The following TSHZ2 variants were observed in gnomAD, a reference collection of about 807,000 sequenced individuals.
TSHZ2 encodes teashirt homolog 2.
Under a neutral mutation model 74.4 loss-of-function variants are expected in TSHZ2, and 21 were observed. The ratio of observed to expected loss-of-function variants is 0.28; its 90% confidence interval spans 0.20 to 0.41. The LOEUF (loss-of-function observed/expected upper bound fraction) is 0.41. Ranked by LOEUF, TSHZ2 falls within the 10% of genes least tolerant of loss-of-function variation. The pLI is 1.00. For missense variants in TSHZ2, 1,244 were observed against 1,293.5 expected (o/e 0.96, Z 0.59); for synonymous variants, 540 against 515.3 (o/e 1.05, Z -0.65).
chr20:53,389,869 C>A (rs778050291), intron 2 of TSHZ2, among the ~76,000 whole-genome samples: 1 of 152,136 alleles, frequency 6.6e-6, no homozygotes, highest in Non-Finnish European at 1.5e-5. Flanking sequence ...AAGAATTGTC[C>A]GGCCTGAAAT....
intron 1 of TSHZ2, among the ~76,000 whole-genome samples, chr20:53,193,188 GA>G (rs11476414): frequency 0.78 from 113,407 of 144,828 alleles, 44,764 homozygotes; most frequent in Non-Finnish European, 0.81. Flanking sequence ...AAAGAAAAAA[GA>G]AAAAAAAAAC....
At chr20:53,024,494 C>A (rs1282929037) in intron 1 of TSHZ2, among the ~76,000 whole-genome samples, 1 of 151,756 alleles carries the variant, frequency 6.6e-6, no homozygotes, top group Non-Finnish European at 1.5e-5. Flanking sequence ...CTTGCTCTTG[C>A]AGATTTTTTT....
At chr20:53,240,839 A>G (rs1356298686) in intron 1 of TSHZ2, among the ~76,000 whole-genome samples, 2 of 152,104 alleles carry the variant, frequency 1.3e-5, no homozygotes, top group Non-Finnish European at 2.9e-5. Context: ...CTAACATCAG[A>G]ATAATTAAAA....
At chr20:53,001,205 C>CGTGTGTGTGTGTGTGTGTGTGTGT (rs558621179) in intron 1 of TSHZ2, among the ~76,000 whole-genome samples, 3 of 94,188 alleles carry the variant, frequency 3.2e-5, no homozygotes, top group African/African-American at 7.9e-5. Flanking sequence ...CGTTCATGTG[C>CGTGTGTGTGTGTGTGTGTGTGTGT]GTGTGTGTGT....
At chr20:53,348,626 T>G (rs1260107398) in intron 2 of TSHZ2, among the ~76,000 whole-genome samples, 2 of 152,080 alleles carry the variant, frequency 1.3e-5, no homozygotes, top group Admixed American at 1.3e-4. Context: ...GGAGGATCGC[T>G]GTATGTGAAA....
chr20:53,348,838 C>T (rs910591620), intron 2 of TSHZ2, among the ~76,000 whole-genome samples: 5 of 152,172 alleles, frequency 3.3e-5, no homozygotes, highest in Non-Finnish European at 5.9e-5. Flanking sequence ...GAGGATGAAA[C>T]ATTTATTCCA....
chr20:53,011,053 C>T (rs1403036876), intron 1 of TSHZ2, among the ~76,000 whole-genome samples: 1 of 152,100 alleles, frequency 6.6e-6, no homozygotes, highest in Admixed American at 6.6e-5. Flanking sequence ...AAGTGAATAT[C>T]ATATTTGATA....
At position 53,074,017 on chromosome 20, in the gene TSHZ2, G is replaced by T. The variant is rs1175476935; in HGVS notation, c.40+100684G>T. On this transcript the variant is annotated intron_variant, in intron 1 of 2. Transcript: ENST00000371497. This position sits in a 1 kb window ranked among gnomAD's most constrained non-coding sequence, Gnocchi z 5.9. ...ACACTTTCTAATTTCAAATTTCAAG[G>T]ATCTTCAGTCTGGCTGCAGTGAAAA... Among the ~76,000 whole-genome samples, 1 of 152,142 alleles carries T rather than the reference G, an allele frequency of 6.6e-6. No homozygotes were observed. Among genetic ancestry groups the T allele is most frequent in the Non-Finnish European group, 1.5e-5 (1 of 68,026 alleles).
chr20:53,044,078 T>G (rs907775216), intron 1 of TSHZ2, among the ~76,000 whole-genome samples: 1 of 152,228 alleles, frequency 6.6e-6, no homozygotes. Context: ...ACATTTCAGT[T>G]TGGAGATACA....
At chr20:53,304,031 T>G (rs1978415162) in intron 2 of TSHZ2, among the ~76,000 whole-genome samples, 1 of 150,824 alleles carries the variant, frequency 6.6e-6, no homozygotes, top group Non-Finnish European at 1.5e-5. Flanking sequence ...AAACAACAGA[T>G]TCTTTATTAT....
intron 1 of TSHZ2, among the ~76,000 whole-genome samples, chr20:53,093,397 G>A (rs1394462494): frequency 6.6e-6 from 1 of 152,186 alleles, no homozygotes; most frequent in African/African-American, 2.4e-5. Context: ...TGTCTTTTCT[G>A]CTTAAAGCCT....
At chr20:53,397,931 G>C (rs1982515189) in intron 2 of TSHZ2, 1 of 152,056 alleles carries the variant, frequency 6.6e-6, no homozygotes, top group Non-Finnish European at 1.5e-5. Context: ...ATTGCACAAT[G>C]AGAACACTTA....
In TSHZ2 at chr20:53,021,447, G is replaced by A. The variant is rs140993482; in HGVS notation, c.40+48114G>A. Among the ~76,000 whole-genome samples, 443 of 152,264 alleles carry A rather than the reference G, an allele frequency of 2.9e-3. 5 individuals carry two copies. The East Asian group carries it at 0.031, about 11-fold the overall frequency. On this transcript the variant is annotated intron_variant, in intron 1 of 2. Coordinates refer to ENST00000371497, the MANE Select transcript of TSHZ2 (RefSeq NM_173485.6). ...TGGTTTAAATGGAAGTTGGAACTCC[G>A]CTGATGCTGAATCAAATTGGGTTTG...
In TSHZ2 at chr20:53,343,854, T is replaced by C. The variant is rs1353671473; in HGVS notation, c.*8+87283T>C. Among the ~76,000 whole-genome samples, 3 of 152,204 alleles carry C rather than the reference T, an allele frequency of 2.0e-5. No individual in the cohort carries two copies. The East Asian group carries it at 5.8e-4, about 29-fold the overall frequency. On this transcript the variant is annotated intron_variant, in intron 2 of 2. Coordinates refer to ENST00000371497, the MANE Select transcript of TSHZ2 (RefSeq NM_173485.6). ...TAAAAATTAAATGAAGCTCAGAAAA[T>C]GAGACACTTAGGAGAGCCAGGCATG...
intron 2 of TSHZ2, among the ~76,000 whole-genome samples, chr20:53,308,702 C>T (rs1978650220): frequency 6.6e-6 from 1 of 152,168 alleles, no homozygotes; most frequent in Admixed American, 6.5e-5. Context: ...TTTGTGCCCA[C>T]ATATTTTATT....
intron 2 of TSHZ2, among the ~76,000 whole-genome samples, chr20:53,260,526 G>A (rs1990581587): frequency 6.6e-6 from 1 of 152,182 alleles, no homozygotes; most frequent in South Asian, 2.1e-4. Context: ...ATGCTGAAAG[G>A]AGCACACAGG....
intron 1 of TSHZ2, among the ~76,000 whole-genome samples, chr20:52,989,775 AT>A (rs1268761933): frequency 2.6e-5 from 4 of 152,052 alleles, no homozygotes; most frequent in African/African-American, 9.7e-5. Context: ...ATGCATGTAT[AT>A]GTTGTTAGAA....
intron 1 of TSHZ2, among the ~76,000 whole-genome samples, chr20:53,031,535 G>T (rs182027713): frequency 1.3e-5 from 2 of 152,324 alleles, no homozygotes; most frequent in African/African-American, 2.4e-5. Context: ...AAGGCCTGTA[G>T]CATCTGACTC....
chr20:53,292,927 C>A (rs169271), intron 2 of TSHZ2, among the ~76,000 whole-genome samples: 93,925 of 152,014 alleles, frequency 0.62, 29,126 homozygotes, highest in Middle Eastern at 0.7. Context: ...ACACTACATG[C>A]TTCTTATATG....
Sources: gnomAD v4.1 joint callset for allele counts (sites outside exome capture counted in the v4.1 genomes callset) on GRCh38, gnomAD v4.1.1 for gene constraint, Gnocchi (gnomAD v3.1) non-coding constraint, MANE v1.5 for transcripts, NCBI Gene and HGNC (gene_info 2026-07-23, HGNC 2026-07-21) for gene names.